The following GUCY1A1 variants were observed in gnomAD, a reference collection of about 807,000 sequenced individuals.
GUCY1A1 encodes the protein guanylate cyclase 1 soluble subunit alpha 1.
In GUCY1A1, 48 loss-of-function variants were observed where a neutral mutation model predicts 64.5. The ratio of observed to expected loss-of-function variants is 0.74; its 90% CI spans 0.59 to 0.95. The LOEUF is 0.95. GUCY1A1 is among the 40% of genes least tolerant of loss of function. The pLI is 0.00. For synonymous variants in GUCY1A1, 308 were observed against 303.4 expected (o/e 1.02, Z -0.16); for missense variants, 804 against 825.3 (o/e 0.97, Z 0.32).
At chr4:155,684,640 T>C (rs1297428538) in intron 2 of GUCY1A1, among the ~76,000 whole-genome samples, 1 of 152,166 alleles carries the variant, frequency 6.6e-6, no homozygotes, top group African/African-American at 2.4e-5. Flanking sequence ...GCCTTTTCTC[T>C]GGGGTCATAA....
At position 155,734,283 on chromosome 4, in the gene GUCY1A1, C is replaced by A. The variant is rs192967722; in HGVS notation, c.*4052C>A. Among the ~76,000 whole-genome samples, 401 of 152,040 alleles carry A rather than the reference C, an allele frequency of 2.6e-3. 3 individuals carry two copies. Among genetic ancestry groups the A allele is most frequent in the African/African-American group, 9.0e-3 (374 of 41,516 alleles). Reference sequence around the variant, plus strand: ...GGAAAACTGCCCAGATGGAGCTTTACATGCAAAGCTCCAGTGAAGTCTAGT... The same window carrying A: ...GGAAAACTGCCCAGATGGAGCTTTAAATGCAAAGCTCCAGTGAAGTCTAGT... On this transcript the variant is annotated 3_prime_UTR_variant, in exon 10 of 10. Transcript: ENST00000506455.
chr4:155,727,426 T>C (rs1734852980), intron 9 of GUCY1A1, among the ~76,000 whole-genome samples: 1 of 151,870 alleles, frequency 6.6e-6, no homozygotes, highest in South Asian at 2.1e-4. Context: ...AGACGTGCAA[T>C]CTAGAGCAAT....
chr4:155,694,271 A>G (rs972609213), intron 2 of GUCY1A1, among the ~76,000 whole-genome samples: 1 of 152,166 alleles, frequency 6.6e-6, no homozygotes, highest in African/African-American at 2.4e-5. Flanking sequence ...AGCCAGGCAC[A>G]GTGGCTCATG....
chr4:155,683,179 C>T (rs1410593614), intron 2 of GUCY1A1, among the ~76,000 whole-genome samples: 1 of 152,000 alleles, frequency 6.6e-6, no homozygotes, highest in Non-Finnish European at 1.5e-5. Context: ...AATGCATAAA[C>T]TCTATGTATA....
chr4:155,723,036 C>A (rs1428746533), intron 9 of GUCY1A1, among the ~76,000 whole-genome samples: 1 of 152,148 alleles, frequency 6.6e-6, no homozygotes, highest in Non-Finnish European at 1.5e-5. Flanking sequence ...AAAACCCCAA[C>A]CTTCTATCCA....
At position 155,678,668 on chromosome 4, in the gene GUCY1A1, A is replaced by G. The variant is rs1460599932; in HGVS notation, c.-113+11249A>G. ...ACTTTTACTTACTATGGTAATTACT[A>G]TGGTAACCTTTCTGCCCACATTGCA... On this transcript the variant is annotated intron_variant, in intron 2 of 9. Coordinates refer to ENST00000506455, the MANE Select transcript of GUCY1A1 (RefSeq NM_001130682.3). Among the ~76,000 whole-genome samples, 8 of 152,332 alleles carry G rather than the reference A, an allele frequency of 5.3e-5. No homozygotes were observed. The East Asian group carries it at 1.5e-3, about 29-fold the overall frequency.
intron 2 of GUCY1A1, among the ~76,000 whole-genome samples, chr4:155,676,770 T>C (rs1376054715): frequency 6.6e-6 from 1 of 151,622 alleles, no homozygotes; most frequent in East Asian, 1.9e-4. Flanking sequence ...CATGTTGTCT[T>C]AGCTGCAATT....
At chr4:155,682,682 A>G (rs113477493) in intron 2 of GUCY1A1, among the ~76,000 whole-genome samples, 1 of 147,174 alleles carries the variant, frequency 6.8e-6, no homozygotes, top group African/African-American at 2.6e-5. Context: ...AAAAGAAAAA[A>G]AAAGAAAAGA....
At chr4:155,722,275 T>C in intron 9 of GUCY1A1, 83 bp downstream of exon 9, 1 of 1,520,692 alleles carries the variant, frequency 6.6e-7, no homozygotes, top group Admixed American at 2.2e-5. Flanking sequence ...GATTCATTCT[T>C]CATAACTTTT....
chr4:155,672,800 C>T (rs1017662344), intron 2 of GUCY1A1, among the ~76,000 whole-genome samples: 1 of 152,168 alleles, frequency 6.6e-6, no homozygotes, highest in African/African-American at 2.4e-5. Context: ...CTCTTCATCA[C>T]AATATTTTTA....
intron 8 of GUCY1A1, among the ~76,000 whole-genome samples, chr4:155,720,438 G>GACAC (rs1733830132): frequency 1.3e-5 from 2 of 152,020 alleles, no homozygotes; most frequent in African/African-American, 4.8e-5. Flanking sequence ...ATATATAACA[G>GACAC]ACATCTAAGT....
At chr4:155,686,955 T>G (rs1729076409) in intron 2 of GUCY1A1, among the ~76,000 whole-genome samples, 1 of 152,190 alleles carries the variant, frequency 6.6e-6, no homozygotes, top group Non-Finnish European at 1.5e-5. Context: ...ACTGTTGACT[T>G]AGATATAACT....
intron 4 of GUCY1A1, among the ~76,000 whole-genome samples, chr4:155,706,664 T>C (rs1731815485): frequency 6.6e-6 from 1 of 152,214 alleles, no homozygotes; most frequent in Non-Finnish European, 1.5e-5. Context: ...GGTGTGTGTG[T>C]GTGTGTGTGT....
chr4:155,696,354 G>A (rs1378183193), intron 2 of GUCY1A1, among the ~76,000 whole-genome samples: 1 of 152,016 alleles, frequency 6.6e-6, no homozygotes, highest in Non-Finnish European at 1.5e-5. Context: ...TTTCAGAAAG[G>A]AGAGCATAAT....
intron 2 of GUCY1A1, among the ~76,000 whole-genome samples, chr4:155,696,300 G>C (rs566061764): frequency 4.6e-5 from 7 of 151,228 alleles, no homozygotes; most frequent in Non-Finnish European, 7.4e-5. Context: ...ATATTGTTTT[G>C]CTTTAGGTAT....
chr4:155,696,211 T>C (rs112239335), intron 2 of GUCY1A1, among the ~76,000 whole-genome samples: 6 of 152,200 alleles, frequency 3.9e-5, no homozygotes, highest in East Asian at 1.9e-4. Context: ...ATCATCTTCA[T>C]TGAACTTTTT....
intron 3 of GUCY1A1, among the ~76,000 whole-genome samples, chr4:155,702,687 T>G (rs1731248846): frequency 1.3e-5 from 2 of 151,848 alleles, no homozygotes; most frequent in South Asian, 4.1e-4. Flanking sequence ...TCTCTTTAAT[T>G]TTTTTTCAGC....
intron 2 of GUCY1A1, among the ~76,000 whole-genome samples, chr4:155,678,970 A>G (rs1238287599): frequency 6.6e-6 from 1 of 152,104 alleles, no homozygotes; most frequent in Non-Finnish European, 1.5e-5. Flanking sequence ...GTCTATTCAG[A>G]TGTTTTGCCC....
At chr4:155,704,060 G>T in intron 4 of GUCY1A1, 67 bp downstream of exon 4, 1 of 895,796 alleles carries the variant, frequency 1.1e-6, no homozygotes, top group South Asian at 1.5e-5. Flanking sequence ...CTAATGGCCA[G>T]CAGTTACTGA....
Sources: allele counts gnomAD v4.1 joint callset (sites outside exome capture counted in the v4.1 genomes callset), GRCh38; gene constraint gnomAD v4.1.1; transcripts MANE v1.5; gene names NCBI Gene and HGNC (gene_info 2026-07-23, HGNC 2026-07-21).